The following MORN3 variants were observed in gnomAD, a reference collection of about 807,000 sequenced individuals.
MORN3 encodes MORN repeat-containing protein 3.
In MORN3, 38 loss-of-function variants were observed where a neutral mutation model predicts 34.7. The ratio of observed to expected loss-of-function variants is 1.10; its 90% CI spans 0.85 to 1.44. MORN3 has a LOEUF of 1.44. MORN3 is among the 40% of genes most tolerant of loss of function. The pLI, the probability that MORN3 is intolerant of heterozygous loss-of-function variation, is 0.00. For missense variants in MORN3, 311 were observed against 321.7 expected, an observed-to-expected ratio of 0.97 and a Z score of 0.25; for synonymous variants, 109 against 115.3, an observed-to-expected ratio of 0.95 and a Z score of 0.35.
chr12:121,652,795 T>A lies in MORN3; in HGVS notation c.662A>T (p.Asp221Val). The A allele has an allele frequency of 1.9e-6, 3 of 1,614,164 alleles. No individual in the cohort carries two copies. Among genetic ancestry groups the A allele is most frequent in the Non-Finnish European group, 2.5e-6 (3 of 1,180,034 alleles). The change falls in exon 5 of 6, where the codon GAC becomes GTC. Residue 221 changes from aspartate to valine, a missense_variant. Physicochemically the swap from Asp to Val is radical, Grantham distance 152. Transcript: ENST00000355329. ...GGCCTCCGCCAGCACACCATCAGGG[T>A]CTAGGATTTTGACCTGGAGGGAAAT... ...QFPIPEVKIL[D>V]PDGVLAEALA...
rs1555325085 is a variant in MORN3 at position 121,651,572 on chromosome 12, T to G, written c.*79A>C. On this transcript the variant is annotated 3_prime_UTR_variant, in exon 6 of 6. Transcript: ENST00000355329. ...CATGCCTGGAGCTGCTGCTGACTCC[T>G]CCAGCCAGAGCCGCACTGGTCTGAG... 1.3e-5 allele frequency: 2 copies of G among 152,442 alleles called. 1 individual carries two copies. The highest frequency in any genetic ancestry group is 4.1e-4 in the South Asian group (2 of 4,826). 9.4% of individuals were successfully genotyped at this position (152,442 alleles called of 1,614,324 possible).
chr12:121,653,380 C>CA (rs1893310333), intron 3 of MORN3, 121 bp from the exon 4 acceptor site: 1 of 1,032,004 alleles, frequency 9.7e-7, no homozygotes, highest in African/African-American at 1.6e-5. Flanking sequence ...ATGGGAGGCT[C>CA]ATAAGCCCAG....
At chr12:121,653,867 G>C (rs1015405657) in intron 3 of MORN3, among the ~76,000 whole-genome samples, 1 of 151,972 alleles carries the variant, frequency 6.6e-6, no homozygotes, top group Non-Finnish European at 1.5e-5. Context: ...GAAGTGTATA[G>C]TTCAGTGGCA....
Position 121,653,109 on chromosome 12 carries a change from T to C in MORN3, c.614A>G (p.Glu205Gly). The C allele has an allele frequency of 6.2e-7, 1 of 1,613,796 alleles. No individual in the cohort carries two copies. The highest frequency in any genetic ancestry group is 8.5e-7 in the Non-Finnish European group (1 of 1,179,914). Residue 205 changes from glutamate (E) to glycine (G), a missense_variant, in exon 4 of 6, where the codon GAG becomes GGG. Glu to Gly is a moderately conservative substitution (Grantham distance 98). Transcript: ENST00000355329. ...GGGGAACTGAGTGGGCTCAGGGGCC[T>C]CGTCACGGCCAAAGTCGATCATCGT... is the stretch of plus-strand genomic sequence containing the variant. The part of the protein sequence containing the change: ...CGTMIDFGRD[E>G]APEPTQFPIP...
Position 121,653,202 on chromosome 12 carries a change from C to G in MORN3, c.521G>C (p.Arg174Pro), listed in dbSNP as rs781945068. The G allele has an allele frequency of 6.2e-7, 1 of 1,614,186 alleles. No individual in the cohort carries two copies. The highest frequency in any genetic ancestry group is 1.7e-5 in the Admixed American group (1 of 60,016). ...WERGMKNGAG[R>P]FFHLDHGQLF... ...CTGGCCGTGGTCCAGATGGAAGAAACGCCCCGCCCCGTTCTTCATGCCTCT... is the reference window on the plus strand; with the variant it reads ...CTGGCCGTGGTCCAGATGGAAGAAAGGCCCCGCCCCGTTCTTCATGCCTCT... Residue 174 changes from arginine to proline, a missense_variant, in exon 4 of 6, where the codon CGT (arginine) becomes CCT (proline). Transcript: ENST00000355329.
intron 1 of MORN3, among the ~76,000 whole-genome samples, chr12:121,660,191 G>A (rs934145417): frequency 7.1e-6 from 1 of 141,508 alleles, no homozygotes; most frequent in Non-Finnish European, 1.5e-5. Flanking sequence ...CCGAGATGAC[G>A]TCGTTGCAGT....
At position 121,663,403 on chromosome 12, in the gene MORN3, G is replaced by A. The variant is rs77539012; in HGVS notation, c.146-4055C>T. The stretch of plus-strand genomic sequence containing the variant: ...AGTAGAGACGGTGTTTCCCCATGTT[G>A]GCCAGGCTGGTCTCCAACTCACGAC... On this transcript the variant is annotated intron_variant, in intron 1 of 5. Coordinates refer to ENST00000355329, the MANE Select transcript of MORN3 (RefSeq NM_173855.5). Among the ~76,000 whole-genome samples the A allele has an allele frequency of 3.4e-3, 522 of 152,156 alleles. 2 individuals are homozygous for A. Among genetic ancestry groups the A allele is most frequent in the African/African-American group, 0.011 (473 of 41,526 alleles).
At chr12:121,671,461 A>G (rs1298770423), upstream of MORN3, among the ~76,000 whole-genome samples, 1 of 152,106 alleles carries the variant, frequency 6.6e-6, no homozygotes, top group Non-Finnish European at 1.5e-5. Flanking sequence ...TTATAAATAG[A>G]AAACCAGTAG....
intron 2 of MORN3, among the ~76,000 whole-genome samples, chr12:121,658,655 C>G (rs1893485255): frequency 6.6e-6 from 1 of 151,202 alleles, no homozygotes; most frequent in South Asian, 2.1e-4. Context: ...TTATTAGTGT[C>G]TCTGGGACTG....
At chr12:121,661,553 A>T (rs1256991536) in intron 1 of MORN3, among the ~76,000 whole-genome samples, 1 of 152,094 alleles carries the variant, frequency 6.6e-6, no homozygotes, top group African/African-American at 2.4e-5. Flanking sequence ...TGAGCCTCAG[A>T]TATCTCAGCT....
chr12:121,657,835 C>A (rs1555325840), intron 2 of MORN3, among the ~76,000 whole-genome samples: 1 of 152,012 alleles, frequency 6.6e-6, no homozygotes, highest in African/African-American at 2.4e-5. Flanking sequence ...CCATTGCACT[C>A]CAGCGTGGCG....
chr12:121,649,597 CAG>C lies in MORN3; in HGVS notation c.*2052_*2053del. 6.6e-6 allele frequency: 1 copy of C among 152,092 alleles called. No homozygotes were observed. The highest frequency in any genetic ancestry group is 6.6e-5 in the Admixed American group (1 of 15,218). The allele number at this position is 152,092 out of a possible 1,614,324, so 9.4% of individuals were successfully genotyped here. A position where few individuals can be genotyped will look rare whatever the true frequency, so the allele number is the denominator to read the frequency against. ...GCCACCCTACTTATGACTTAGGGGG[CAG>C]AGAGAACCTCAGTAAGGTCAGTGGT... On this transcript the variant is annotated 3_prime_UTR_variant, in exon 6 of 6. Coordinates refer to ENST00000355329, the MANE Select transcript of MORN3 (RefSeq NM_173855.5).
intron 2 of MORN3, among the ~76,000 whole-genome samples, chr12:121,656,238 AT>A (rs201934798): frequency 6.6e-6 from 1 of 151,664 alleles, no homozygotes; most frequent in Non-Finnish European, 1.5e-5. Flanking sequence ...TCCCTTTGCT[AT>A]TTTTTTGCCT....
At chr12:121,657,919 G>A (rs376251357) in intron 2 of MORN3, among the ~76,000 whole-genome samples, 5 of 151,970 alleles carry the variant, frequency 3.3e-5, no homozygotes, top group Non-Finnish European at 5.9e-5. Context: ...CTCCCACACA[G>A]CCAGTTCTGT....
At position 121,660,649 on chromosome 12, in the gene MORN3, T is replaced by G. The variant is rs920060526; in HGVS notation, c.146-1301A>C. Among the ~76,000 whole-genome samples the G allele has an allele frequency of 1.4e-4, 14 of 103,370 alleles. No individual in the cohort carries two copies. The Admixed American group carries it at 1.5e-3, about 11-fold the overall frequency. 67.8% of individuals were successfully genotyped at this position (103,370 alleles called of 152,430 possible). On this transcript the variant is annotated intron_variant, in intron 1 of 5. Coordinates refer to ENST00000355329, the MANE Select transcript of MORN3 (RefSeq NM_173855.5). ...CAGGCATGAGCCACCGCACCCGGCC[T>G]TTTTTTTTCTTTCTTTCTTTCTTTT... is the stretch of plus-strand genomic sequence containing the variant.
chr12:121,652,869 G>A, intron 4 of MORN3, 61 bp from the exon 5 acceptor site: 2 of 1,574,122 alleles, frequency 1.3e-6, no homozygotes, highest in Non-Finnish European at 1.7e-6. Context: ...TGCCAGCCTT[G>A]ACTGGCGCTG....
Position 121,655,026 on chromosome 12 carries a change from C to A in MORN3, c.304-593G>T, listed in dbSNP as rs147114892. On this transcript the variant is annotated intron_variant, in intron 2 of 5. Coordinates refer to ENST00000355329, the MANE Select transcript of MORN3 (RefSeq NM_173855.5). ...CCTCTCTCATCCCCACCACACCATG[C>A]GCCATGCAGCCCCTACAGCGCCGGA... Among the ~76,000 whole-genome samples, 48 of 152,208 alleles carry A rather than the reference C, an allele frequency of 3.2e-4. 1 individual carries two copies. Among genetic ancestry groups the A allele is most frequent in the Non-Finnish European group, 5.3e-4 (36 of 68,008 alleles).
upstream of MORN3, among the ~76,000 whole-genome samples, chr12:121,670,285 T>C (rs1893919255): frequency 6.6e-6 from 1 of 151,432 alleles, no homozygotes; most frequent in African/African-American, 2.4e-5. Context: ...AAGCTGGGAG[T>C]GGGGAAACAA....
rs755596884 is a variant in MORN3, at chr12:121,669,405, G to A, written c.79C>T (p.Arg27Trp). ...CCATTCACAGCGTATACCTGGCTCC[G>A]CAGGCCGTTCCTCTGGGCCTTCCGG... ...WDRKAQRNGL[R>W]SQVYAVNGDY... The change falls in exon 1 of 6, where the codon CGG (arginine) becomes TGG (tryptophan). Residue 27 changes from arginine (R) to tryptophan (W), a missense_variant. By Grantham distance (101) the Arg-to-Trp change is moderately radical. Coordinates refer to ENST00000355329, the MANE Select transcript of MORN3 (RefSeq NM_173855.5). 3.7e-6 allele frequency: 6 copies of A among 1,613,962 alleles called. No individual in the cohort carries two copies. Among genetic ancestry groups the A allele is most frequent in the Non-Finnish European group, 3.4e-6 (4 of 1,179,922 alleles).
Sources: allele counts gnomAD v4.1 joint callset (sites outside exome capture counted in the v4.1 genomes callset), GRCh38; gene constraint gnomAD v4.1.1; transcripts MANE v1.5; gene names NCBI Gene and HGNC (gene_info 2026-07-23, HGNC 2026-07-21).